CDH18: variants seen among roughly 807,000 people sequenced by gnomAD.
The protein encoded by CDH18 is cadherin 18.
In CDH18, 31 loss-of-function variants were observed where a neutral mutation model predicts 67.9. The ratio of observed to expected loss-of-function variants is 0.46; its 90% CI spans 0.34 to 0.62. CDH18 has a LOEUF of 0.62. Ranked by LOEUF, CDH18 falls within the 20% of genes least tolerant of loss-of-function variation. The probability of loss-of-function intolerance (pLI) is 0.01; values close to 1 mark genes in which losing one functional copy is unlikely to be tolerated. For missense variants in CDH18, 890 were observed against 975.5 expected, an observed-to-expected ratio of 0.91 and a Z score of 1.17; for synonymous variants, 362 against 347.2, an observed-to-expected ratio of 1.04 and a Z score of -0.48.
intron 2 of CDH18, among the ~76,000 whole-genome samples, chr5:20,129,142 A>G (rs1749060243): frequency 1.3e-5 from 2 of 152,078 alleles, no homozygotes; most frequent in Admixed American, 6.6e-5. Flanking sequence ...TTGCTCCATT[A>G]TGTAGAAAAG....
intron 2 of CDH18, among the ~76,000 whole-genome samples, chr5:20,243,064 C>T (rs1365419347): frequency 6.6e-6 from 1 of 152,124 alleles, no homozygotes; most frequent in East Asian, 1.9e-4. Flanking sequence ...GGTTAGCCCT[C>T]TTCTATCCAG....
intron 1 of CDH18, among the ~76,000 whole-genome samples, chr5:20,416,361 G>C (rs1386062909): frequency 6.6e-6 from 1 of 152,012 alleles, no homozygotes; most frequent in African/African-American, 2.4e-5. Flanking sequence ...AGATTATGAA[G>C]AATTAAGTAA....
chr5:20,488,673 T>TTTTATA (rs1435006497), intron 1 of CDH18, among the ~76,000 whole-genome samples: 5 of 126,974 alleles, frequency 3.9e-5, no homozygotes, highest in Non-Finnish European at 5.1e-5. Context: ...GGGTAGTGTT[T>TTTTATA]TATATATATA....
chr5:20,475,236 T>C lies in CDH18; in HGVS notation c.-580+100226A>G, dbSNP rs185006703. 8.1e-3 allele frequency among the ~76,000 whole-genome samples: 1,240 copies of C among 152,336 alleles called. 12 individuals carry two copies. The highest frequency in any genetic ancestry group is 0.014 in the Non-Finnish European group (971 of 68,020). On this transcript the variant is annotated intron_variant, in intron 1 of 14. Coordinates refer to the CDH18 transcript ENST00000507958. ...TGTAGTTTTTTATTGTGTAAGAATT[T>C]ATGCATTATTTATGCATGATTCATT... is the stretch of plus-strand genomic sequence containing the variant.
chr5:20,556,541 T>G (rs889679895), intron 1 of CDH18, among the ~76,000 whole-genome samples: 1 of 152,174 alleles, frequency 6.6e-6, no homozygotes, highest in South Asian at 2.1e-4. Flanking sequence ...TATCCTCAGA[T>G]GCTCACTCCT....
intron 2 of CDH18, among the ~76,000 whole-genome samples, chr5:19,895,943 C>G (rs532319316): frequency 2.0e-5 from 3 of 151,982 alleles, no homozygotes; most frequent in African/African-American, 7.2e-5. Flanking sequence ...CAAATCTAAA[C>G]GTGGAAGACT....
At chr5:19,964,076 G>C (rs919736065) in intron 2 of CDH18, among the ~76,000 whole-genome samples, 9 of 152,022 alleles carry the variant, frequency 5.9e-5, no homozygotes, top group African/African-American at 2.2e-4. Context: ...TGAGGACACA[G>C]CCAAACCATA....
intron 2 of CDH18, among the ~76,000 whole-genome samples, chr5:20,153,018 C>A (rs1580357852): frequency 6.7e-6 from 1 of 148,512 alleles, no homozygotes; most frequent in South Asian, 2.1e-4. Context: ...TCTTGGCTCA[C>A]TGCAACCTCC....
At chr5:20,230,072 G>A (rs1741943253) in intron 2 of CDH18, among the ~76,000 whole-genome samples, 4 of 152,050 alleles carry the variant, frequency 2.6e-5, no homozygotes, top group Non-Finnish European at 4.4e-5. Context: ...AAATAGAACT[G>A]ATGAGTTTTT....
intron 1 of CDH18, among the ~76,000 whole-genome samples, chr5:20,325,762 T>G (rs902386064): frequency 1.3e-5 from 2 of 152,218 alleles, no homozygotes; most frequent in African/African-American, 2.4e-5. Flanking sequence ...TTTCCAATGG[T>G]TGTTCATATT....
chr5:20,354,741 A>G (rs1466382823), intron 1 of CDH18, among the ~76,000 whole-genome samples: 1 of 152,132 alleles, frequency 6.6e-6, no homozygotes, highest in Non-Finnish European at 1.5e-5. Context: ...TCCATCCTTC[A>G]GCAAAGAATC....
chr5:19,654,561 G>A (rs886088013), intron 5 of CDH18, among the ~76,000 whole-genome samples: 4 of 152,158 alleles, frequency 2.6e-5, no homozygotes, highest in East Asian at 3.9e-4. Flanking sequence ...ATTGGGCTCC[G>A]GCCCCATGGT....
At chr5:20,533,151 T>C (rs778544088) in intron 1 of CDH18, among the ~76,000 whole-genome samples, 1 of 152,064 alleles carries the variant, frequency 6.6e-6, no homozygotes, top group Non-Finnish European at 1.5e-5. Context: ...ACAATCCAAA[T>C]GACGCTTCTG....
chr5:19,693,895 G>GA lies in CDH18; in HGVS notation c.643+27451dup, dbSNP rs11357542. 2.6e-3 allele frequency among the ~76,000 whole-genome samples: 307 copies of GA among 118,910 alleles called. 1 individual carries two copies. Among genetic ancestry groups the GA allele is most frequent in the Middle Eastern group, 0.016 (4 of 244 alleles). The allele number at this position is 118,910 out of a possible 152,430, so 78.0% of individuals were successfully genotyped here. A position where few individuals can be genotyped will look rare whatever the true frequency, so the allele number is the denominator to read the frequency against. ...TGGGCGACAAAGTGAGACTCTGTCT[G>GA]AAAAAAAAAAAAAAAAAAGATTATG... On this transcript the variant is annotated intron_variant, in intron 5 of 12. Transcript: ENST00000382275.
intron 3 of CDH18, among the ~76,000 whole-genome samples, chr5:19,803,074 A>C (rs1016787983): frequency 5.9e-5 from 9 of 152,206 alleles, no homozygotes; most frequent in African/African-American, 2.2e-4. Flanking sequence ...TCAGAGCCGG[A>C]TTCTGTTACA....
At chr5:19,884,563 AT>A (rs1787994252) in intron 2 of CDH18, among the ~76,000 whole-genome samples, 1 of 151,914 alleles carries the variant, frequency 6.6e-6, no homozygotes, top group South Asian at 2.1e-4. Flanking sequence ...GTACAATATT[AT>A]TAAATTATAA....
chr5:19,593,497 C>T, intron 6 of CDH18, among the ~76,000 whole-genome samples: 1 of 151,950 alleles, frequency 6.6e-6, no homozygotes, highest in South Asian at 2.1e-4. Context: ...GGTCCTAGGC[C>T]CATTTTTTAA....
intron 2 of CDH18, among the ~76,000 whole-genome samples, chr5:20,021,321 C>T (rs2150433743): frequency 6.6e-6 from 1 of 152,100 alleles, no homozygotes; most frequent in Admixed American, 6.5e-5. Flanking sequence ...TGAGTTAAGA[C>T]TTGGGGGACT....
At chr5:19,671,180 A>G (rs1758701411) in intron 5 of CDH18, among the ~76,000 whole-genome samples, 1 of 152,144 alleles carries the variant, frequency 6.6e-6, no homozygotes, top group South Asian at 2.1e-4. Flanking sequence ...AAGTTCAGGG[A>G]CAGGGACTGA....
Sources: allele counts gnomAD v4.1 joint callset (sites outside exome capture counted in the v4.1 genomes callset), GRCh38; gene constraint gnomAD v4.1.1; transcripts MANE v1.5; gene names NCBI Gene and HGNC (gene_info 2026-07-23, HGNC 2026-07-21).